The following CRYGB variants were observed in gnomAD, a reference collection of about 807,000 sequenced individuals.
CRYGB encodes the protein gamma-crystallin B.
Under a neutral mutation model 21.3 loss-of-function variants are expected in CRYGB, and 19 were observed. The ratio of observed to expected loss-of-function variants is 0.89; its 90% confidence interval spans 0.62 to 1.31. The LOEUF is 1.31. Ranked by LOEUF, CRYGB falls within the 50% of genes most tolerant of loss-of-function variation. The pLI is 0.00. For synonymous variants in CRYGB, 81 were observed against 81.2 expected, an observed-to-expected ratio of 1.00 and a Z score of 0.01; for missense variants, 254 against 228.4, an observed-to-expected ratio of 1.11 and a Z score of -0.72.
chr2:208,142,957 A>G, intron 2 of CRYGB, 44 bp from the exon 3 acceptor site: 1 of 1,541,558 alleles, frequency 6.5e-7, no homozygotes, highest in Non-Finnish European at 8.7e-7. Flanking sequence ...AAACAAAAAC[A>G]GATGGAAATT....
intron 2 of CRYGB, 109 bp downstream of exon 2, chr2:208,145,665 G>A: frequency 2.0e-6 from 3 of 1,465,296 alleles, no homozygotes; most frequent in Non-Finnish European, 2.7e-6. Context: ...CTCCACCCTG[G>A]GGGACAGAGC....
chr2:208,145,838 T>TA lies in CRYGB; in HGVS notation c.187dup (p.Tyr63LeufsTer3), dbSNP rs778900382. On this transcript the variant is annotated frameshift_variant, in exon 2 of 3. Coordinates refer to ENST00000260988, the MANE Select transcript of CRYGB (RefSeq NM_005210.4). LOFTEE classifies it high-confidence loss of function. ...GCCCATCCATTGCTGGTAGTCAGGG[T>TA]ACTCCCCACGCCGCAGGAAGTACTG... 8 of 1,613,162 alleles carry TA rather than the reference T, an allele frequency of 5.0e-6. No homozygotes were observed. The African/African-American group carries it at 1.1e-4, about 22-fold the overall frequency.
At position 208,146,006 on chromosome 2, in the gene CRYGB, TAG is replaced by T. The variant is rs1296291780; in HGVS notation, c.18_19del (p.Phe6LeufsTer16). The T allele has an allele frequency of 1.2e-6, 2 of 1,614,138 alleles. No individual in the cohort carries two copies. Among genetic ancestry groups the T allele is most frequent in the South Asian group, 2.2e-5 (2 of 91,078 alleles). ...GCGGCCCTGGAAGGCCCTGTCCTCGTAGAAGGTGATCTGAAAAATGGAAGATG... is the reference window on the plus strand; with the variant it reads ...GCGGCCCTGGAAGGCCCTGTCCTCGTAAGGTGATCTGAAAAATGGAAGATG... On this transcript the variant is annotated frameshift_variant, in exon 2 of 3. Coordinates refer to ENST00000260988, the MANE Select transcript of CRYGB (RefSeq NM_005210.4). LOFTEE classifies it high-confidence loss of function.
intron 2 of CRYGB, 128 bp from the exon 3 acceptor site, chr2:208,143,041 A>C: frequency 9.9e-7 from 1 of 1,012,786 alleles, no homozygotes; most frequent in Non-Finnish European, 1.4e-6. Flanking sequence ...CTTCTAGAAC[A>C]ACCCTGTTGC....
Position 208,146,142 on chromosome 2 carries a change from T to C in CRYGB, c.-22A>G, listed in dbSNP as rs1432410129. ...CCATTTTGAAGGAAGTGAGCAGATGTTTTCTGGTTGCTGTGTGGGACTGCG... is the reference window on the plus strand; with the variant it reads ...CCATTTTGAAGGAAGTGAGCAGATGCTTTCTGGTTGCTGTGTGGGACTGCG... On this transcript the variant is annotated 5_prime_UTR_variant, in exon 1 of 3. Transcript: ENST00000260988. The C allele has an allele frequency of 1.2e-6, 2 of 1,613,876 alleles. No homozygotes were observed. The highest frequency in any genetic ancestry group is 8.5e-7 in the Non-Finnish European group (1 of 1,179,874).
rs1286378099 is a variant in CRYGB, at chr2:208,142,892, T to G, written c.274A>C (p.Lys92Gln). 6.2e-7 allele frequency: 1 copy of G among 1,608,518 alleles called. No homozygotes were observed. Among genetic ancestry groups the G allele is most frequent in the African/African-American group, 1.3e-5 (1 of 74,862 alleles). Residue 92 changes from lysine (K) to glutamine (Q), a missense_variant, in exon 3 of 3, where the codon AAG becomes CAG. Lys to Gln is a moderately conservative substitution (Grantham distance 53). Coordinates refer to ENST00000260988, the MANE Select transcript of CRYGB (RefSeq NM_005210.4). ...IPPHSGAYRM[K>Q]IYDRDELRGQ... is the part of the protein sequence containing the mutation. ...CTCAATTCATCTCTGTCGTAGATCTTCATTCTGTAAGCGCCAGAGTGCTGG... is the reference window on the plus strand; with the variant it reads ...CTCAATTCATCTCTGTCGTAGATCTGCATTCTGTAAGCGCCAGAGTGCTGG...
Position 208,142,636 on chromosome 2 carries a change from C to T in CRYGB, c.*2G>A. 1 of 1,503,912 alleles carries T rather than the reference C, an allele frequency of 6.6e-7. No individual in the cohort carries two copies. Among genetic ancestry groups the T allele is most frequent in the South Asian group, 1.4e-5 (1 of 70,884 alleles). The allele number at this position is 1,503,912 out of a possible 1,614,324, so 93.2% of individuals were successfully genotyped here. ...AGGAGAAAAGTGGAAAACGTAAATA[C>T]TTCAGTACAAATCCATGACTCGTCT... On this transcript the variant is annotated 3_prime_UTR_variant, in exon 3 of 3. Transcript: ENST00000260988.
chr2:208,142,761 A>G lies in CRYGB; in HGVS notation c.405T>C (p.Tyr135=). ...LNVLEGSWIL[Y]EMPNYRGRQY... ...GCCTCCCCCTGTAGTTGGGCATCTCATAGAGGATCCAGCTGCCCTCCAGCA... is the reference window on the plus strand; with the variant it reads ...GCCTCCCCCTGTAGTTGGGCATCTCGTAGAGGATCCAGCTGCCCTCCAGCA... Residue 135 remains tyrosine (Y), a synonymous_variant, in exon 3 of 3, where the codon TAT becomes TAC. Coordinates refer to ENST00000260988, the MANE Select transcript of CRYGB (RefSeq NM_005210.4). 1.9e-6 allele frequency: 3 copies of G among 1,612,878 alleles called. No homozygotes were observed. The highest frequency in any genetic ancestry group is 2.5e-6 in the Non-Finnish European group (3 of 1,178,906).
At chr2:208,142,941 G>A in intron 2 of CRYGB, 28 bp from the exon 3 acceptor site, 1 of 1,556,854 alleles carries the variant, frequency 6.4e-7, no homozygotes, top group Non-Finnish European at 8.7e-7. Context: ...AAACGCAAGA[G>A]TAAACAAACA....
intron 2 of CRYGB, 76 bp downstream of exon 2, chr2:208,145,688 CAAAAAAAAAA>C (rs554918356): frequency 2.3e-6 from 3 of 1,280,158 alleles, no homozygotes; most frequent in Non-Finnish European, 3.0e-6. Context: ...GACTCCGCCT[CAAAAAAAAAA>C]AAAAAAAAAA....
At chr2:208,143,019 A>C in intron 2 of CRYGB, 106 bp from the exon 3 acceptor site, 1 of 1,313,156 alleles carries the variant, frequency 7.6e-7, no homozygotes, top group East Asian at 2.4e-5. Flanking sequence ...AAGTTCTCCC[A>C]GGCCAAGTTT....
At position 208,142,614 on chromosome 2, in the gene CRYGB, AGAAAAGTG is replaced by A; in HGVS notation, c.*16_*23del. On this transcript the variant is annotated 3_prime_UTR_variant, in exon 3 of 3. Coordinates refer to ENST00000260988, the MANE Select transcript of CRYGB (RefSeq NM_005210.4). ...TAAATATTTTATTAGATTTTAAAGG[AGAAAAGTG>A]GAAAACGTAAATACTTCAGTACAAA... 6.9e-7 allele frequency: 1 copy of A among 1,450,564 alleles called. No individual in the cohort carries two copies. Among genetic ancestry groups the A allele is most frequent in the Non-Finnish European group, 9.1e-7 (1 of 1,100,078 alleles). 89.9% of individuals were successfully genotyped at this position (1,450,564 alleles called of 1,614,324 possible).
chr2:208,145,451 G>T (rs537260667), intron 2 of CRYGB, among the ~76,000 whole-genome samples: 1 of 152,174 alleles, frequency 6.6e-6, no homozygotes, highest in East Asian at 1.9e-4. Flanking sequence ...CACTTTGGGA[G>T]GCCGAGGCGG....
chr2:208,145,744 G>T (rs1203119463), intron 2 of CRYGB, 30 bp downstream of exon 2: 2 of 1,459,180 alleles, frequency 1.4e-6, no homozygotes, highest in African/African-American at 3.1e-5. Context: ...TTTCCAAAAA[G>T]ATGGAAGGCA....
At position 208,142,889 on chromosome 2, in the gene CRYGB, T is replaced by C. The variant is rs143178911; in HGVS notation, c.277A>G (p.Ile93Val). The C allele has an allele frequency of 1.9e-6, 3 of 1,609,304 alleles. No homozygotes were observed. In the African/African-American group the frequency reaches 4.0e-5, roughly 22 times the overall value. Residue 93 changes from isoleucine to valine, a missense_variant, in exon 3 of 3, where the codon ATC becomes GTC. Physicochemically the swap from Ile to Val is conservative, Grantham distance 29. Transcript: ENST00000260988. Reference sequence around the variant, plus strand: ...CCCCTCAATTCATCTCTGTCGTAGATCTTCATTCTGTAAGCGCCAGAGTGC... The same window carrying C: ...CCCCTCAATTCATCTCTGTCGTAGACCTTCATTCTGTAAGCGCCAGAGTGC... ...PPHSGAYRMK[I>V]YDRDELRGQM...
intron 2 of CRYGB, 55 bp from the exon 3 acceptor site, chr2:208,142,968 A>G: frequency 6.5e-7 from 1 of 1,534,810 alleles, no homozygotes; most frequent in South Asian, 1.3e-5. Flanking sequence ...GATGGAAATT[A>G]AAGCTCCAGT....
chr2:208,144,405 A>G (rs374834124), intron 2 of CRYGB, among the ~76,000 whole-genome samples: 1 of 150,780 alleles, frequency 6.6e-6, no homozygotes, highest in African/African-American at 2.4e-5. Context: ...ACACACACAT[A>G]TATGTATTTG....
intron 2 of CRYGB, 28 bp downstream of exon 2, chr2:208,145,746 T>C (rs1344854308): frequency 3.3e-6 from 5 of 1,517,732 alleles, no homozygotes; most frequent in Non-Finnish European, 4.4e-6. Context: ...TCCAAAAAGA[T>C]GGAAGGCAAA....
intron 2 of CRYGB, 121 bp downstream of exon 2, chr2:208,145,653 C>T: frequency 6.9e-7 from 1 of 1,444,842 alleles, no homozygotes. Context: ...CATGCCACTG[C>T]ACTCCACCCT....
Sources: gnomAD v4.1 joint callset for allele counts (sites outside exome capture counted in the v4.1 genomes callset) on GRCh38, gnomAD v4.1.1 for gene constraint, MANE v1.5 for transcripts, NCBI Gene and HGNC (gene_info 2026-07-23, HGNC 2026-07-21) for gene names.